The following LAMB3 variants were observed in gnomAD, a reference collection of about 807,000 sequenced individuals.
LAMB3 encodes laminin subunit beta 3, also known as laminin subunit beta-3.
A neutral mutation model predicts 140.3 loss-of-function variants in LAMB3; 104 were observed. The observed-to-expected ratio is 0.74, with a 90% CI of 0.63 to 0.87. The LOEUF (loss-of-function observed/expected upper bound fraction) is 0.87, where lower values mean the gene tolerates loss of function less well. Ranked by LOEUF, LAMB3 falls within the 40% of genes least tolerant of loss-of-function variation. LAMB3 has a pLI of 0.00. For synonymous variants in LAMB3, 592 were observed against 602.9 expected (o/e 0.98, Z 0.26); for missense variants, 1,531 against 1,575.2 (o/e 0.97, Z 0.47).
At position 209,622,611 on chromosome 1, in the gene LAMB3, C is replaced by T. The variant is rs751715563; in HGVS notation, c.2626G>A (p.Ala876Thr). The change falls in exon 18 of 23, where the codon GCC becomes ACC. Residue 876 changes from alanine (A) to threonine (T), a missense_variant. Ala to Thr is a moderately conservative substitution (Grantham distance 58, BLOSUM62 0). Transcript: ENST00000356082. The part of the protein sequence containing the change: ...SAQRLETQVS[A>T]SRSQMEEDVR... ...TCTTCCTCCATCTGGGAGCGGCTGG[C>T]GCTCACCTGGGTCTCCAAGCGCTGG... The T allele has an allele frequency of 2.7e-5, 43 of 1,613,436 alleles. No individual in the cohort carries two copies. Among genetic ancestry groups the T allele is most frequent in the East Asian group, 6.7e-5 (3 of 44,878 alleles).
At chr1:209,640,108 A>G (rs1266461461) in intron 3 of LAMB3, among the ~76,000 whole-genome samples, 3 of 152,330 alleles carry the variant, frequency 2.0e-5, no homozygotes, top group Non-Finnish European at 2.9e-5. Context: ...TCCACTTTCC[A>G]GGTCTCACCC....
At chr1:209,617,121 G>A (rs1291686453) in intron 21 of LAMB3, among the ~76,000 whole-genome samples, 1 of 152,174 alleles carries the variant, frequency 6.6e-6, no homozygotes, top group Non-Finnish European at 1.5e-5. Context: ...AGTGTCAGGG[G>A]ACCTGCTTTG....
At chr1:209,649,461 T>C (rs2076546053) in intron 3 of LAMB3, among the ~76,000 whole-genome samples, 1 of 152,210 alleles carries the variant, frequency 6.6e-6, no homozygotes, top group African/African-American at 2.4e-5. Context: ...AAGCATCGTG[T>C]TTCTGGATTT....
intron 2 of LAMB3, 115 bp downstream of exon 2, chr1:209,650,802 T>A: frequency 1.0e-6 from 1 of 980,858 alleles, no homozygotes. Context: ...TATTCCCAAC[T>A]GAAGGGACTA....
intron 20 of LAMB3, 109 bp downstream of exon 20, chr1:209,617,798 G>C: frequency 6.9e-7 from 1 of 1,451,742 alleles, no homozygotes; most frequent in Non-Finnish European, 9.7e-7. Context: ...CTCTCCTCTA[G>C]AACTCCACCT....
intron 5 of LAMB3, among the ~76,000 whole-genome samples, chr1:209,637,053 G>A (rs913178752): frequency 3.3e-5 from 5 of 152,224 alleles, no homozygotes; most frequent in Non-Finnish European, 5.9e-5. Flanking sequence ...ATAAAGTGAG[G>A]AGACTATTTA....
chr1:209,625,584 A>C, intron 14 of LAMB3, 64 bp downstream of exon 14: 1 of 1,586,886 alleles, frequency 6.3e-7, no homozygotes, highest in Non-Finnish European at 8.7e-7. Context: ...AAGGACCAGC[A>C]TGCCCGGTAC....
At chr1:209,619,311 C>T (rs1666106177) in intron 18 of LAMB3, among the ~76,000 whole-genome samples, 1 of 152,216 alleles carries the variant, frequency 6.6e-6, no homozygotes, top group Non-Finnish European at 1.5e-5. Flanking sequence ...TGTTTGGTCT[C>T]TTTTCCTCTA....
Position 209,629,070 on chromosome 1 carries a change from C to A in LAMB3, c.1132+667G>T, listed in dbSNP as rs77704636. On this transcript the variant is annotated intron_variant, in intron 10 of 22. Transcript: ENST00000356082. The stretch of plus-strand genomic sequence containing the variant: ...CCAACCCCCACTCCCTGACTTCTTT[C>A]AGACCTTTCAAAATGTAAGACCCCT... Among the ~76,000 whole-genome samples the A allele has an allele frequency of 3.3e-5, 5 of 152,294 alleles. No individual in the cohort carries two copies. The East Asian group carries it at 9.6e-4, about 29-fold the overall frequency.
rs1258515448 is a variant in LAMB3 at position 209,623,001 on chromosome 1, A to G, written c.2537T>C (p.Leu846Pro). 1.2e-6 allele frequency: 2 copies of G among 1,613,418 alleles called. No homozygotes were observed. The highest frequency in any genetic ancestry group is 2.2e-5 in the South Asian group (2 of 91,042). Residue 846 changes from leucine to proline, a missense_variant, in exon 17 of 23, where the codon CTC (leucine) becomes CCC (proline). Leu to Pro is a moderately conservative substitution (Grantham distance 98). Transcript: ENST00000356082. The surrounding 1 kb of genome is among the most constrained non-coding windows in gnomAD (Gnocchi z 4.2). ...AEQLRGFNAQ[L>P]QRTRQMIRAA... ...ACTTACCATCTGCCTGGTCCGCTGG[A>G]GCTGGGCATTGAAGCCCCGCAGCTG...
chr1:209,630,815 C>T (rs1287663971), intron 8 of LAMB3, 80 bp from the exon 9 acceptor site: 65 of 1,492,196 alleles, frequency 4.4e-5, no homozygotes, highest in Non-Finnish European at 6.0e-5. Flanking sequence ...GCCCTCTGAC[C>T]CTCTGCGCAC....
intron 3 of LAMB3, among the ~76,000 whole-genome samples, chr1:209,643,540 C>A (rs1328998513): frequency 6.6e-6 from 1 of 152,210 alleles, no homozygotes. Flanking sequence ...GGAAGATGAA[C>A]CCTCCCAGAG....
chr1:209,621,908 G>A (rs2102411525), intron 18 of LAMB3, among the ~76,000 whole-genome samples: 1 of 152,306 alleles, frequency 6.6e-6, no homozygotes. Flanking sequence ...TGCCCTCCTG[G>A]AGTCCCCATT....
chr1:209,632,683 A>G lies in LAMB3; in HGVS notation c.722T>C (p.Val241Ala). The change falls in exon 8 of 23, where the codon GTG (valine) becomes GCG (alanine). Residue 241 changes from valine (V) to alanine (A), a missense_variant. Physicochemically the swap from Val to Ala is moderately conservative, Grantham distance 64. Transcript: ENST00000356082. ...GCTCCCCTGCAGACGGAGCTGGGAC[A>G]CAGCATAGTAGGCGCTGGGAGGGTG... The part of the protein sequence containing the change: ...GYHPPSAYYA[V>A]SQLRLQGSCF... 1 of 1,614,212 alleles carries G rather than the reference A, an allele frequency of 6.2e-7. No homozygotes were observed. Among genetic ancestry groups the G allele is most frequent in the South Asian group, 1.1e-5 (1 of 91,086 alleles).
rs1211747169 is a variant in LAMB3 at position 209,629,856 on chromosome 1, GC to G, written c.1012del (p.Ala338HisfsTer58). 6.2e-7 allele frequency: 1 copy of G among 1,614,136 alleles called. No homozygotes were observed. Among genetic ancestry groups the G allele is most frequent in the Non-Finnish European group, 8.5e-7 (1 of 1,180,018 alleles). ...DPAVFAASQGAYGGVCDNCRD... is the reference protein window; with the variant it reads ...DPAVFAASQGXYGGVCDNCRD... ...GCAATTGTCACACACACCTCCATAT[GC>G]CCCCTGGCTGGCGGCAAACACAGCG... On this transcript the variant is annotated frameshift_variant, in exon 10 of 23. Transcript: ENST00000356082. LOFTEE classifies it high-confidence loss of function.
intron 5 of LAMB3, among the ~76,000 whole-genome samples, chr1:209,637,677 G>C (rs548161832): frequency 6.6e-6 from 1 of 152,336 alleles, no homozygotes; most frequent in South Asian, 2.1e-4. Context: ...GATGGGTTGA[G>C]GGTGGAGAAT....
chr1:209,646,842 T>C (rs1195815335), intron 3 of LAMB3, among the ~76,000 whole-genome samples: 1 of 152,232 alleles, frequency 6.6e-6, no homozygotes, highest in East Asian at 1.9e-4. Flanking sequence ...GAAGCCCATT[T>C]TTCAAATGAG....
intron 14 of LAMB3, 58 bp from the exon 15 acceptor site, chr1:209,624,058 C>G: frequency 1.3e-6 from 2 of 1,503,210 alleles, no homozygotes; most frequent in Non-Finnish European, 1.8e-6. Context: ...CTCCCCAAAG[C>G]AGCTATCCCC....
intron 9 of LAMB3, 80 bp from the exon 10 acceptor site, chr1:209,630,005 G>T: frequency 7.3e-7 from 1 of 1,374,538 alleles, no homozygotes; most frequent in Non-Finnish European, 1.0e-6. Flanking sequence ...AAGCTCACTG[G>T]CATCTGTAAC....
Sources: gnomAD v4.1 joint callset for allele counts (sites outside exome capture counted in the v4.1 genomes callset) on GRCh38, gnomAD v4.1.1 for gene constraint, Gnocchi (gnomAD v3.1) non-coding constraint, MANE v1.5 for transcripts, NCBI Gene and HGNC (gene_info 2026-07-23, HGNC 2026-07-21) for gene names.